EVA1C: variants seen among roughly 807,000 people sequenced by gnomAD.
The protein encoded by EVA1C is eva-1 homolog C.
A neutral mutation model predicts 45.4 loss-of-function variants in EVA1C; 25 were observed. The observed-to-expected ratio is 0.55, with a 90% CI of 0.40 to 0.77. The LOEUF (loss-of-function observed/expected upper bound fraction) is 0.77. Ranked by LOEUF, EVA1C falls within the 30% of genes least tolerant of loss-of-function variation. EVA1C has a pLI of 0.00. For synonymous variants in EVA1C, 190 were observed against 221.2 expected, an observed-to-expected ratio of 0.86 and a Z score of 1.25; for missense variants, 479 against 554.8, an observed-to-expected ratio of 0.86 and a Z score of 1.37.
rs925474329 is a variant in EVA1C, at chr21:32,452,628, G to C, written c.161-684G>C. 3.3e-5 allele frequency: 5 copies of C among 152,278 alleles called. No homozygotes were observed. Among genetic ancestry groups the C allele is most frequent in the Non-Finnish European group, 7.3e-5 (5 of 68,098 alleles). 9.4% of individuals were successfully genotyped at this position (152,278 alleles called of 1,614,324 possible). ...TTCTGTATCCCAGGTTCTTGCCCTA[G>C]TGTACTCGGAAAATCAGATTTCGCA... On this transcript the variant is annotated intron_variant, in intron 1 of 7. Coordinates refer to ENST00000300255, the MANE Select transcript of EVA1C (RefSeq NM_058187.5). This position sits in a 1 kb window ranked among gnomAD's most constrained non-coding sequence, Gnocchi z 4.0.
rs914904468 is a variant in EVA1C, at chr21:32,514,671, T to C, written c.950-143T>C. On this transcript the variant is annotated intron_variant, in intron 7 of 7. Coordinates refer to ENST00000300255, the MANE Select transcript of EVA1C (RefSeq NM_058187.5). The stretch of plus-strand genomic sequence containing the variant: ...AATGTCAGTGGGGATATATGATTAT[T>C]TTGGTGTAGACAGTCTCAAAGATGC... 12 of 929,534 alleles carry C rather than the reference T, an allele frequency of 1.3e-5. No homozygotes were observed. The African/African-American group carries it at 2.0e-4, about 16-fold the overall frequency. The allele number at this position is 929,534 out of a possible 1,614,324, so 57.6% of individuals were successfully genotyped here. A position where few individuals can be genotyped will look rare whatever the true frequency, so the allele number is the denominator to read the frequency against.
intron 5 of EVA1C, among the ~76,000 whole-genome samples, chr21:32,500,187 C>T (rs2037481089): frequency 2.3e-5 from 3 of 130,968 alleles, no homozygotes; most frequent in Non-Finnish European, 4.7e-5. Flanking sequence ...AGTTAACCAC[C>T]CTATTTTTTT....
At chr21:32,420,474 T>C (rs1568857860) in intron 1 of EVA1C, among the ~76,000 whole-genome samples, 1 of 152,228 alleles carries the variant, frequency 6.6e-6, no homozygotes, top group African/African-American at 2.4e-5. Flanking sequence ...AGCCTCAACC[T>C]CTGGGGCTCA....
In EVA1C at chr21:32,442,082, G is replaced by A. The variant is rs371563229; in HGVS notation, c.161-11230G>A. ...CCCACTGTACTACCAGGAGAGATTG[G>A]GGTAGGGCAGGCTGAGAAATATACT... On this transcript the variant is annotated intron_variant, in intron 1 of 7. Coordinates refer to ENST00000300255, the MANE Select transcript of EVA1C (RefSeq NM_058187.5). Among the ~76,000 whole-genome samples the A allele has an allele frequency of 5.0e-4, 76 of 152,300 alleles. 1 individual carries two copies. In the South Asian group the frequency reaches 0.015, roughly 30 times the overall value.
At chr21:32,456,094 G>A (rs530103272) in intron 2 of EVA1C, among the ~76,000 whole-genome samples, 6 of 152,290 alleles carry the variant, frequency 3.9e-5, no homozygotes, top group Admixed American at 3.9e-4. Flanking sequence ...GTTTCACTGT[G>A]TTAGTCAGGC....
At chr21:32,508,849 G>T (rs1568957014) in intron 7 of EVA1C, among the ~76,000 whole-genome samples, 7 of 152,186 alleles carry the variant, frequency 4.6e-5, no homozygotes, top group Admixed American at 2.0e-4. Flanking sequence ...AAAGGCCATA[G>T]GTCCCCCTTC....
At chr21:32,492,795 TC>T (rs2037209384) in intron 4 of EVA1C, among the ~76,000 whole-genome samples, 11 of 152,000 alleles carry the variant, frequency 7.2e-5, no homozygotes, top group Admixed American at 7.2e-4. Context: ...CACCACTGTT[TC>T]CCCAGCCCTG....
chr21:32,453,799 A>C (rs1034323085), intron 2 of EVA1C, among the ~76,000 whole-genome samples: 5 of 152,258 alleles, frequency 3.3e-5, no homozygotes, highest in Admixed American at 6.5e-5. Context: ...ATAGCAAAGT[A>C]CAACCAGGAT....
intron 1 of EVA1C, among the ~76,000 whole-genome samples, chr21:32,451,882 A>G (rs1225510721): frequency 6.6e-6 from 1 of 152,048 alleles, no homozygotes; most frequent in African/African-American, 2.4e-5. Context: ...CAACCACCCT[A>G]TTTCCAAATG....
chr21:32,498,157 A>C (rs62214672), intron 5 of EVA1C, among the ~76,000 whole-genome samples: 33,890 of 152,174 alleles, frequency 0.22, 4,685 homozygotes, highest in Non-Finnish European at 0.29. Flanking sequence ...TAATAAACAA[A>C]GAGACACGGC....
intron 2 of EVA1C, among the ~76,000 whole-genome samples, chr21:32,454,601 A>AT (rs35371667): frequency 0.17 from 24,874 of 149,080 alleles, 2,241 homozygotes; most frequent in Admixed American, 0.24. Context: ...TTGGCCTTGG[A>AT]TTTTTTTTTT....
rs565238161 is a variant in EVA1C at position 32,461,389 on chromosome 21, G to A, written c.481+3669G>A. Among the ~76,000 whole-genome samples the A allele has an allele frequency of 4.0e-5, 6 of 149,974 alleles. No individual in the cohort carries two copies. In the South Asian group the frequency reaches 6.2e-4, roughly 16 times the overall value. ...CCATAGAGAGCAGATGAGAGACAGA[G>A]CCCCTGTGTAACCTGAACACCAGAA... On this transcript the variant is annotated intron_variant, in intron 3 of 7. Coordinates refer to ENST00000300255, the MANE Select transcript of EVA1C (RefSeq NM_058187.5).
At chr21:32,481,737 T>G (rs1233037541) in intron 4 of EVA1C, among the ~76,000 whole-genome samples, 2 of 152,230 alleles carry the variant, frequency 1.3e-5, no homozygotes, top group Non-Finnish European at 2.9e-5. Flanking sequence ...CAAAGCATTG[T>G]TAAGTCACAA....
chr21:32,450,254 A>G (rs965531190), intron 1 of EVA1C, among the ~76,000 whole-genome samples: 6 of 150,680 alleles, frequency 4.0e-5, no homozygotes, highest in African/African-American at 1.5e-4. Context: ...AAGAAAGATA[A>G]TGGTCTAAAC....
At chr21:32,420,564 A>ATT (rs879364431) in intron 1 of EVA1C, among the ~76,000 whole-genome samples, 60 of 147,822 alleles carry the variant, frequency 4.1e-4, no homozygotes, top group Middle Eastern at 6.9e-3. Flanking sequence ...TTTTTTTGGC[A>ATT]TTTTTTTTTT....
chr21:32,441,805 G>T (rs907359056), intron 1 of EVA1C, among the ~76,000 whole-genome samples: 15 of 152,150 alleles, frequency 9.9e-5, no homozygotes, highest in African/African-American at 3.6e-4. Flanking sequence ...AGATAATTGG[G>T]TGACTATTAG....
At chr21:32,507,656 CTG>C (rs559044534) in intron 7 of EVA1C, among the ~76,000 whole-genome samples, 152 of 139,680 alleles carry the variant, frequency 1.1e-3, no homozygotes, top group African/African-American at 3.9e-3. Context: ...GCAGGTGTGC[CTG>C]TGTGTGCATG....
chr21:32,515,036 C>T lies in EVA1C; in HGVS notation c.1172C>T (p.Ser391Leu), dbSNP rs779127738. The T allele has an allele frequency of 1.1e-5, 17 of 1,613,946 alleles. No homozygotes were observed. The highest frequency in any genetic ancestry group is 1.6e-4 in the Middle Eastern group (1 of 6,082). The change falls in exon 8 of 8, where the codon TCG (serine) becomes TTG (leucine). Residue 391 changes from serine to leucine, a missense_variant. Ser to Leu is a moderately radical substitution (Grantham distance 145). This residue lies in a region of EVA1C where 366 missense variants were observed against 426.1 expected (regional missense o/e 0.86). Transcript: ENST00000300255. ...PSESDFPGELSGFCRTSYPIY... is the reference protein window; with the variant it reads ...PSESDFPGELLGFCRTSYPIY... ...GAGTCTGATTTCCCAGGGGAACTGTCGGGGTTCTGTAGGACTTCATATCCT... is the reference window on the plus strand; with the variant it reads ...GAGTCTGATTTCCCAGGGGAACTGTTGGGGTTCTGTAGGACTTCATATCCT...
chr21:32,482,841 C>T (rs2036835326), intron 4 of EVA1C, among the ~76,000 whole-genome samples: 1 of 25,294 alleles, frequency 4.0e-5, no homozygotes, highest in African/African-American at 1.5e-4. Flanking sequence ...TGGTCACATC[C>T]CAGTGTTATT....
Sources: gnomAD v4.1 joint callset for allele counts (sites outside exome capture counted in the v4.1 genomes callset) on GRCh38, gnomAD v4.1.1 for gene constraint, gnomAD v4.1.1 regional missense constraint, Gnocchi (gnomAD v3.1) non-coding constraint, MANE v1.5 for transcripts, NCBI Gene and HGNC (gene_info 2026-07-23, HGNC 2026-07-21) for gene names.